KAT6A: variants seen among roughly 807,000 people sequenced by gnomAD.
The protein encoded by KAT6A is lysine acetyltransferase 6A.
In KAT6A, 9 loss-of-function variants were observed where a neutral mutation model predicts 198.4. That is an observed-to-expected ratio of 0.05 (90% CI 0.03 to 0.08). KAT6A has a LOEUF of 0.08. Ranked by LOEUF, KAT6A falls within the 10% of genes least tolerant of loss-of-function variation. The probability of loss-of-function intolerance (pLI) is 1.00; values close to 1 mark genes in which losing one functional copy is unlikely to be tolerated. For missense variants in KAT6A, 2,077 were observed against 2,509.9 expected (o/e 0.83, Z 3.69); for synonymous variants, 890 against 883.0 (o/e 1.01, Z -0.14).
intron 10 of KAT6A, 54 bp downstream of exon 10, chr8:41,949,168 G>GGTGGCC: frequency 2.4e-6 from 3 of 1,234,010 alleles, no homozygotes; most frequent in Middle Eastern, 1.9e-4. Flanking sequence ...ATGCAATATA[G>GGTGGCC]GTGGCCCTAC....
At chr8:41,962,084 T>G (rs1823229714) in intron 8 of KAT6A, among the ~76,000 whole-genome samples, 1 of 152,222 alleles carries the variant, frequency 6.6e-6, no homozygotes, top group Admixed American at 6.5e-5. Flanking sequence ...TCTAAGGAAC[T>G]ACACCTTCAT....
intron 6 of KAT6A, 109 bp downstream of exon 6, chr8:41,978,533 G>A: frequency 9.2e-7 from 1 of 1,081,250 alleles, no homozygotes. Context: ...TTATATAAAA[G>A]TGCCAGATAT....
intron 5 of KAT6A, among the ~76,000 whole-genome samples, chr8:41,979,717 C>T (rs1824251685): frequency 6.6e-6 from 1 of 151,216 alleles, no homozygotes; most frequent in Non-Finnish European, 1.5e-5. Context: ...TAAGTGAATT[C>T]AGGCTGGGCG....
At chr8:41,979,422 T>C (rs1196771589) in intron 5 of KAT6A, among the ~76,000 whole-genome samples, 1 of 151,818 alleles carries the variant, frequency 6.6e-6, no homozygotes, top group Admixed American at 6.6e-5. Flanking sequence ...GCGGATTACC[T>C]GAGGTCAGGA....
At chr8:42,025,356 T>G (rs1338425769) in intron 2 of KAT6A, among the ~76,000 whole-genome samples, 1 of 136,708 alleles carries the variant, frequency 7.3e-6, no homozygotes, top group Non-Finnish European at 1.6e-5. Context: ...GGATTACAGG[T>G]GCCCACCACC....
chr8:41,941,059 C>T lies in KAT6A; in HGVS notation c.2822G>A (p.Ser941Asn). 1 of 1,614,196 alleles carries T rather than the reference C, an allele frequency of 6.2e-7. No homozygotes were observed. Among genetic ancestry groups the T allele is most frequent in the Non-Finnish European group, 8.5e-7 (1 of 1,180,026 alleles). Residue 941 changes from serine to asparagine, a missense_variant, in exon 15 of 17, where the codon AGT (serine) becomes AAT (asparagine). Ser to Asn is a conservative substitution (Grantham distance 46). Transcript: ENST00000265713. ...TCCTCGCCAGGGCTCAACCCCCTCA[C>T]TGAGTCTTCTCTTGGGAAGGTCAGG... ...GKPDLPKRRL[S>N]EGVEPWRGQL...
rs372266989 is a variant in KAT6A, at chr8:41,977,253, T to C, written c.1118A>G (p.Gln373Arg). Residue 373 changes from glutamine to arginine, a missense_variant, in exon 7 of 17, where the codon CAA becomes CGA. Coordinates refer to ENST00000265713, the MANE Select transcript of KAT6A (RefSeq NM_006766.5). ...GRKRKITLSS[Q>R]SASSSSEEGY... ...TTCTTCTGATGATGATGATGCTGAT[T>C]GGCTGGAAAGAGTGATTTTTCGTTT... 1.2e-5 allele frequency: 19 copies of C among 1,614,258 alleles called. No individual in the cohort carries two copies. In the South Asian group the frequency reaches 1.6e-4, roughly 14 times the overall value.
intron 3 of KAT6A, among the ~76,000 whole-genome samples, chr8:41,986,111 T>C (rs957424249): frequency 6.6e-6 from 1 of 152,164 alleles, no homozygotes; most frequent in African/African-American, 2.4e-5. Context: ...CAGCTAATTT[T>C]TGTATTTTTA....
intron 2 of KAT6A, among the ~76,000 whole-genome samples, chr8:41,994,088 A>G (rs150213806): frequency 1.1e-3 from 161 of 152,356 alleles, no homozygotes; most frequent in African/African-American, 3.7e-3. Context: ...AAAATATGCC[A>G]TATATTTCTC....
At chr8:41,945,812 A>C (rs560667311) in intron 12 of KAT6A, among the ~76,000 whole-genome samples, 16 of 152,146 alleles carry the variant, frequency 1.1e-4, no homozygotes, top group African/African-American at 3.9e-4. Flanking sequence ...GTGGATCACG[A>C]GGTCAGGAGA....
chr8:42,050,834 T>A (rs895939582), intron 1 of KAT6A, among the ~76,000 whole-genome samples: 1 of 152,046 alleles, frequency 6.6e-6, no homozygotes, highest in South Asian at 2.1e-4. Context: ...CCAGTCGGGA[T>A]TGTCATCAGT....
At chr8:41,943,048 C>T (rs1309526308) in intron 13 of KAT6A, 48 bp from the exon 14 acceptor site, 17 of 1,607,316 alleles carry the variant, frequency 1.1e-5, no homozygotes, top group Non-Finnish European at 1.4e-5. Context: ...ACAAGGTGTA[C>T]ATAAAAATGA....
intron 2 of KAT6A, among the ~76,000 whole-genome samples, chr8:42,033,599 A>G (rs1186352604): frequency 6.6e-6 from 1 of 151,968 alleles, no homozygotes; most frequent in African/African-American, 2.4e-5. Flanking sequence ...TCCCCACTTC[A>G]CTAACTTCAC....
chr8:41,998,988 T>A (rs1254544372), intron 2 of KAT6A, among the ~76,000 whole-genome samples: 1 of 152,182 alleles, frequency 6.6e-6, no homozygotes, highest in Non-Finnish European at 1.5e-5. Context: ...ATTGAATTCA[T>A]TTTTATTATG....
At chr8:41,965,042 A>G (rs1823396706) in intron 8 of KAT6A, among the ~76,000 whole-genome samples, 2 of 152,146 alleles carry the variant, frequency 1.3e-5, no homozygotes, top group Non-Finnish European at 2.9e-5. Flanking sequence ...ATATTTGAGG[A>G]CCTACTACAT....
intron 2 of KAT6A, among the ~76,000 whole-genome samples, chr8:42,038,869 T>C (rs1192119189): frequency 6.6e-6 from 1 of 152,224 alleles, no homozygotes; most frequent in East Asian, 1.9e-4. Context: ...AGTTAAAAAC[T>C]ATTTTGACCC....
chr8:41,938,954 G>GAAAAAAAAA (rs894664976), intron 15 of KAT6A, among the ~76,000 whole-genome samples: 1 of 75,766 alleles, frequency 1.3e-5, no homozygotes. Flanking sequence ...TCTGGGGAAG[G>GAAAAAAAAA]AAAAAAAAAA....
At chr8:42,040,165 TAAAA>T (rs548431449) in intron 2 of KAT6A, among the ~76,000 whole-genome samples, 1 of 147,846 alleles carries the variant, frequency 6.8e-6, no homozygotes, top group South Asian at 2.1e-4. Flanking sequence ...TTAAAACACT[TAAAA>T]AAAAAAGTCC....
At chr8:41,951,358 C>T (rs1418747035) in intron 9 of KAT6A, among the ~76,000 whole-genome samples, 1 of 151,904 alleles carries the variant, frequency 6.6e-6, no homozygotes, top group Non-Finnish European at 1.5e-5. Context: ...AGAAAAAAAA[C>T]TACTGGAAAA....
Sources: allele counts gnomAD v4.1 joint callset (sites outside exome capture counted in the v4.1 genomes callset), GRCh38; gene constraint gnomAD v4.1.1; transcripts MANE v1.5; gene names NCBI Gene and HGNC (gene_info 2026-07-23, HGNC 2026-07-21).